Variants in GREM2 observed in about 807,000 individuals in gnomAD.
GREM2 encodes the protein gremlin-2.
Under a neutral mutation model 14.2 loss-of-function variants are expected in GREM2, and 11 were observed. The ratio of observed to expected loss-of-function variants is 0.78; its 90% confidence interval spans 0.49 to 1.28. The LOEUF (loss-of-function observed/expected upper bound fraction) is 1.28. Among genes scored for constraint, GREM2 ranks in the 50% most tolerant of loss-of-function variants. GREM2 has a pLI of 0.00. For synonymous variants in GREM2, 98 were observed against 97.6 expected (o/e 1.00, Z -0.02); for missense variants, 210 against 218.5 (o/e 0.96, Z 0.24).
chr1:240,582,884 T>C (rs1423706915), intron 1 of GREM2, among the ~76,000 whole-genome samples: 1 of 140,950 alleles, frequency 7.1e-6, no homozygotes, highest in Non-Finnish European at 1.5e-5. Context: ...AGCTATTAGA[T>C]TCCAAAAGAC....
chr1:240,548,379 C>T (rs995982983), intron 1 of GREM2, among the ~76,000 whole-genome samples: 2 of 152,114 alleles, frequency 1.3e-5, no homozygotes, highest in Non-Finnish European at 2.9e-5. Context: ...TTAAACAACT[C>T]CCCATGTCTT....
intron 1 of GREM2, among the ~76,000 whole-genome samples, chr1:240,580,347 C>T (rs1679461810): frequency 6.6e-6 from 1 of 152,154 alleles, no homozygotes; most frequent in Admixed American, 6.5e-5. Context: ...AATTTCTGTT[C>T]TTAACCAGTT....
chr1:240,506,693 A>G (rs1359424755), intron 1 of GREM2, among the ~76,000 whole-genome samples: 1 of 152,272 alleles, frequency 6.6e-6, no homozygotes, highest in African/African-American at 2.4e-5. Context: ...AGTTGTGCAC[A>G]TTAATTTATT....
At chr1:240,587,388 C>A (rs1478098727) in intron 1 of GREM2, among the ~76,000 whole-genome samples, 2 of 150,368 alleles carry the variant, frequency 1.3e-5, no homozygotes, top group African/African-American at 4.9e-5. Context: ...GTAGTGTGAT[C>A]TCGGCTTACT....
chr1:240,549,965 A>C (rs1678812164), intron 1 of GREM2: 1 of 152,334 alleles, frequency 6.6e-6, no homozygotes, highest in South Asian at 2.1e-4. Flanking sequence ...GGAAGAAGTC[A>C]AAAGCTTCTA....
intron 1 of GREM2, among the ~76,000 whole-genome samples, chr1:240,563,207 G>A (rs1050140659): frequency 6.7e-6 from 1 of 150,252 alleles, no homozygotes; most frequent in African/African-American, 2.5e-5. Context: ...GTGTGTAAGT[G>A]AGTGTGTGTT....
chr1:240,501,815 G>C (rs1216358267), intron 1 of GREM2, among the ~76,000 whole-genome samples: 1 of 152,074 alleles, frequency 6.6e-6, no homozygotes, highest in Non-Finnish European at 1.5e-5. Flanking sequence ...CCTTGTTGCT[G>C]TCAGAAGAAT....
chr1:240,523,674 ATG>A (rs1558148647), intron 1 of GREM2, among the ~76,000 whole-genome samples: 1 of 151,496 alleles, frequency 6.6e-6, no homozygotes, highest in South Asian at 2.1e-4. Flanking sequence ...TTGTTTTTTC[ATG>A]TGTGTGTGTT....
intron 1 of GREM2, among the ~76,000 whole-genome samples, chr1:240,558,776 T>G (rs930226266): frequency 6.6e-6 from 1 of 151,990 alleles, no homozygotes; most frequent in African/African-American, 2.4e-5. Context: ...ATATTGGGAA[T>G]GAAAACTGAA....
chr1:240,609,419 A>T (rs1199020897), intron 1 of GREM2, among the ~76,000 whole-genome samples: 1 of 152,042 alleles, frequency 6.6e-6, no homozygotes, highest in East Asian at 1.9e-4. Context: ...TCTAGACATT[A>T]TTAGGCCTAT....
chr1:240,546,239 T>C (rs1464971896), intron 1 of GREM2, among the ~76,000 whole-genome samples: 1 of 151,938 alleles, frequency 6.6e-6, no homozygotes, highest in Non-Finnish European at 1.5e-5. Flanking sequence ...CTTGGAAGGC[T>C]GAGGCAGGAG....
intron 1 of GREM2, among the ~76,000 whole-genome samples, chr1:240,506,580 G>A (rs895199332): frequency 2.0e-5 from 3 of 152,036 alleles, no homozygotes; most frequent in Non-Finnish European, 4.4e-5. Flanking sequence ...TGGGAGTTAC[G>A]GGAAAAGTGA....
rs986307948 is a variant in GREM2, at chr1:240,576,672, C to A, written c.-2+35212G>T. On this transcript the variant is annotated intron_variant, in intron 1 of 1. Coordinates refer to ENST00000318160, the MANE Select transcript of GREM2 (RefSeq NM_022469.4). ...AATTAAAATATTCAGAAAACTAAAA[C>A]CTTTTAAACTTAACTCTTTGTTTGG... 2.0e-5 allele frequency among the ~76,000 whole-genome samples: 3 copies of A among 152,068 alleles called. No homozygotes were observed. The South Asian group carries it at 6.2e-4, about 31-fold the overall frequency.
chr1:240,588,276 C>T (rs187371066), intron 1 of GREM2, among the ~76,000 whole-genome samples: 2 of 152,286 alleles, frequency 1.3e-5, no homozygotes, highest in East Asian at 1.9e-4. Flanking sequence ...ATCTTCGCTT[C>T]CCTGGTCATT....
chr1:240,526,335 G>A lies in GREM2; in HGVS notation c.-1-32859C>T, dbSNP rs1481181299. On this transcript the variant is annotated intron_variant, in intron 1 of 1. Transcript: ENST00000318160. Reference sequence around the variant, plus strand: ...AATAATTGCAACGGATGGGTAGTTTGGGGGTGATTATTTTGTCAAAATTAA... The same window carrying A: ...AATAATTGCAACGGATGGGTAGTTTAGGGGTGATTATTTTGTCAAAATTAA... Among the ~76,000 whole-genome samples, 11 of 152,284 alleles carry A rather than the reference G, an allele frequency of 7.2e-5. No individual in the cohort carries two copies. The East Asian group carries it at 1.5e-3, about 21-fold the overall frequency.
chr1:240,521,470 C>T (rs1443272701), intron 1 of GREM2, among the ~76,000 whole-genome samples: 2 of 151,794 alleles, frequency 1.3e-5, no homozygotes, highest in South Asian at 2.1e-4. Context: ...ACTCGAGAGG[C>T]TGAGGCAGGA....
At chr1:240,536,992 A>T (rs1486441930) in intron 1 of GREM2, among the ~76,000 whole-genome samples, 1 of 152,246 alleles carries the variant, frequency 6.6e-6, no homozygotes, top group Non-Finnish European at 1.5e-5. Context: ...ACTAAAGAAG[A>T]TAAACTGGAA....
rs537257773 is a variant in GREM2, at chr1:240,548,819, G to A, written c.-1-55343C>T. 3.3e-5 allele frequency among the ~76,000 whole-genome samples: 5 copies of A among 152,206 alleles called. No homozygotes were observed. The South Asian group carries it at 8.3e-4, about 25-fold the overall frequency. ...AGAATGAAGGAGAAAAAAGGAAAAC[G>A]AACAACCTTGGTTAGAAAGAAAACT... On this transcript the variant is annotated intron_variant, in intron 1 of 1. Coordinates refer to ENST00000318160, the MANE Select transcript of GREM2 (RefSeq NM_022469.4).
intron 1 of GREM2, among the ~76,000 whole-genome samples, chr1:240,567,927 G>A (rs1679197913): frequency 1.3e-5 from 2 of 152,058 alleles, no homozygotes; most frequent in African/African-American, 4.8e-5. Flanking sequence ...TGGCCAACAT[G>A]GTAAAACCCT....
Sources: allele counts gnomAD v4.1 joint callset (sites outside exome capture counted in the v4.1 genomes callset), GRCh38; gene constraint gnomAD v4.1.1; transcripts MANE v1.5; gene names NCBI Gene and HGNC (gene_info 2026-07-23, HGNC 2026-07-21).